Variants in GLIPR1L1 observed in about 807,000 individuals in gnomAD.
GLIPR1L1 encodes GLIPR1-like protein 1.
In GLIPR1L1, 26 loss-of-function variants were observed where a neutral mutation model predicts 29.9. The observed-to-expected ratio is 0.87, with a 90% CI of 0.64 to 1.21. The LOEUF is 1.21. GLIPR1L1 is among the 50% of genes most tolerant of loss of function. The probability of loss-of-function intolerance (pLI) is 0.00; values close to 1 mark genes in which losing one functional copy is unlikely to be tolerated. For synonymous variants in GLIPR1L1, 77 were observed against 97.5 expected (o/e 0.79, Z 1.24); for missense variants, 305 against 290.3 (o/e 1.05, Z -0.37).
Position 75,362,752 on chromosome 12 carries a change from T to C in GLIPR1L1, c.522-350T>C, listed in dbSNP as rs566573407. Among the ~76,000 whole-genome samples, 24 of 152,162 alleles carry C rather than the reference T, an allele frequency of 1.6e-4. No homozygotes were observed. The South Asian group carries it at 5.0e-3, about 32-fold the overall frequency. ...CTTTAAAATTAAAACATAAAACACA[T>C]GTTTATGTTCATACTTAAATATTAC... On this transcript the variant is annotated intron_variant, in intron 3 of 5. Coordinates refer to ENST00000378695, the MANE Select transcript of GLIPR1L1 (RefSeq NM_001304964.2).
intron 1 of GLIPR1L1, among the ~76,000 whole-genome samples, chr12:75,337,056 A>G (rs1243135227): frequency 1.3e-5 from 2 of 151,872 alleles, no homozygotes. Context: ...TTTAGATTTG[A>G]ATGTTAATGG....
intron 1 of GLIPR1L1, among the ~76,000 whole-genome samples, chr12:75,340,624 C>A (rs1330642137): frequency 6.6e-6 from 1 of 151,094 alleles, no homozygotes; most frequent in Non-Finnish European, 1.5e-5. Context: ...TCTAAAGTAC[C>A]CTGTTAGGAA....
At chr12:75,366,942 A>T (rs1465495144) in intron 4 of GLIPR1L1, 1 of 701,864 alleles carries the variant, frequency 1.4e-6, no homozygotes, top group Non-Finnish European at 2.6e-6. Context: ...ATTCCCACTC[A>T]GTCCCCAGTC....
chr12:75,351,918 G>A (rs535482830), intron 3 of GLIPR1L1, among the ~76,000 whole-genome samples: 7 of 152,164 alleles, frequency 4.6e-5, no homozygotes, highest in Admixed American at 2.6e-4. Context: ...CATCATAAGC[G>A]AAGGAGAAAT....
chr12:75,370,133 T>A lies in GLIPR1L1; in HGVS notation c.686T>A (p.Phe229Tyr). 1 of 1,606,748 alleles carries A rather than the reference T, an allele frequency of 6.2e-7. No homozygotes were observed. Among genetic ancestry groups the A allele is most frequent in the Non-Finnish European group, 8.5e-7 (1 of 1,174,960 alleles). The change falls in exon 6 of 6, where the codon TTT becomes TAT. Residue 229 changes from phenylalanine (F) to tyrosine (Y), a missense_variant. By Grantham distance (22) the Phe-to-Tyr change is conservative. Transcript: ENST00000378695. ...PTGRAPQQTA[F>Y]NPFSLGFLLL... ...GGGAGAGCACCTCAGCAGACAGCCT[T>A]TAATCCATTCAGCTTAGGTTTTCTT...
intron 2 of GLIPR1L1, among the ~76,000 whole-genome samples, chr12:75,345,107 A>T (rs1662073174): frequency 6.6e-6 from 1 of 151,878 alleles, no homozygotes; most frequent in Non-Finnish European, 1.5e-5. Context: ...TACAATTCTC[A>T]CCTCTTCAGT....
chr12:75,369,797 G>C, intron 4 of GLIPR1L1, 163 bp from the exon 5 acceptor site: 1 of 982,614 alleles, frequency 1.0e-6, no homozygotes. Context: ...ATCGTAAAGA[G>C]TTTTAAGTAC....
At position 75,359,752 on chromosome 12, in the gene GLIPR1L1, T is replaced by C. The variant is rs566304268; in HGVS notation, c.522-3350T>C. The C allele has an allele frequency of 2.0e-5, 3 of 152,240 alleles. No homozygotes were observed. The South Asian group carries it at 6.2e-4, about 32-fold the overall frequency. The allele number at this position is 152,240 out of a possible 1,614,324, so 9.4% of individuals were successfully genotyped here. ...GGTATTTCAGTGGAAAAAAAATTAA[T>C]AAATCATACTGGAACAATTAGTTAT... is the stretch of plus-strand genomic sequence containing the variant. On this transcript the variant is annotated intron_variant, in intron 3 of 5. Transcript: ENST00000378695.
At chr12:75,346,916 AT>A (rs1056675533) in intron 2 of GLIPR1L1, among the ~76,000 whole-genome samples, 3 of 151,886 alleles carry the variant, frequency 2.0e-5, no homozygotes, top group Admixed American at 6.6e-5. Flanking sequence ...GTAAACCAGT[AT>A]TTTTTTCCCT....
chr12:75,366,886 T>C, intron 4 of GLIPR1L1: 1 of 701,634 alleles, frequency 1.4e-6, no homozygotes, highest in Non-Finnish European at 2.6e-6. Flanking sequence ...TTGTTGAGGG[T>C]TCCCTGTAGG....
At chr12:75,350,171 G>C (rs1339136151) in intron 3 of GLIPR1L1, among the ~76,000 whole-genome samples, 1 of 152,222 alleles carries the variant, frequency 6.6e-6, no homozygotes, top group Non-Finnish European at 1.5e-5. Flanking sequence ...ATTCCTTCTT[G>C]CCAGGCAGGG....
intron 2 of GLIPR1L1, 52 bp downstream of exon 2, chr12:75,343,990 T>C: frequency 7.0e-7 from 1 of 1,438,832 alleles, no homozygotes; most frequent in East Asian, 2.3e-5. Context: ...ATATTTTAAT[T>C]GCCAGAATTT....
chr12:75,368,716 C>T (rs935461583), intron 4 of GLIPR1L1, among the ~76,000 whole-genome samples: 1 of 151,854 alleles, frequency 6.6e-6, no homozygotes, highest in African/African-American at 2.4e-5. Context: ...AAAAAGTTGG[C>T]ATTTGGACAT....
intron 3 of GLIPR1L1, among the ~76,000 whole-genome samples, chr12:75,347,994 G>A (rs1296057428): frequency 6.6e-6 from 1 of 152,028 alleles, no homozygotes; most frequent in Non-Finnish European, 1.5e-5. Flanking sequence ...AAAATATGTT[G>A]CCACAGTAAT....
intron 3 of GLIPR1L1, among the ~76,000 whole-genome samples, chr12:75,353,759 C>G (rs772798302): frequency 6.6e-6 from 1 of 152,090 alleles, no homozygotes; most frequent in Admixed American, 6.6e-5. Context: ...ACTGGCAAAC[C>G]AAATCCAGCA....
intron 1 of GLIPR1L1, among the ~76,000 whole-genome samples, chr12:75,338,808 G>A (rs1046824961): frequency 6.7e-6 from 1 of 148,596 alleles, no homozygotes; most frequent in Non-Finnish European, 1.5e-5. Context: ...GTGTCCATGT[G>A]TTCTCATTGT....
At chr12:75,362,498 A>G (rs2043666882) in intron 3 of GLIPR1L1, among the ~76,000 whole-genome samples, 1 of 152,178 alleles carries the variant, frequency 6.6e-6, no homozygotes, top group African/African-American at 2.4e-5. Context: ...ATGCCCATCA[A>G]TGGAAGAATA....
intron 3 of GLIPR1L1, among the ~76,000 whole-genome samples, chr12:75,349,892 G>C (rs1036502749): frequency 3.9e-5 from 6 of 152,226 alleles, no homozygotes; most frequent in Non-Finnish European, 8.8e-5. Flanking sequence ...GATAAAAAGT[G>C]TATCAGCTGC....
At chr12:75,343,578 AACT>A (rs1171165385) in intron 1 of GLIPR1L1, 112 bp from the exon 2 acceptor site, 2 of 806,916 alleles carry the variant, frequency 2.5e-6, no homozygotes, top group African/African-American at 3.5e-5. Context: ...ACCAAAGAAA[AACT>A]ACATCTTATT....
Sources: gnomAD v4.1 joint callset for allele counts (sites outside exome capture counted in the v4.1 genomes callset) on GRCh38, gnomAD v4.1.1 for gene constraint, MANE v1.5 for transcripts, NCBI Gene and HGNC (gene_info 2026-07-23, HGNC 2026-07-21) for gene names.